The following HELLS variants were observed in gnomAD, a reference collection of about 807,000 sequenced individuals.
HELLS encodes the protein lymphoid-specific helicase.
In HELLS, 32 loss-of-function variants were observed where a neutral mutation model predicts 120.0. The ratio of observed to expected loss-of-function variants is 0.27; its 90% CI spans 0.20 to 0.36. The LOEUF is 0.36. Ranked by LOEUF, HELLS falls within the 10% of genes least tolerant of loss-of-function variation. HELLS has a pLI of 1.00. For missense variants in HELLS, 650 were observed against 993.4 expected, an observed-to-expected ratio of 0.65 and a Z score of 4.65; for synonymous variants, 341 against 323.4, an observed-to-expected ratio of 1.05 and a Z score of -0.58.
intron 19 of HELLS, among the ~76,000 whole-genome samples, chr10:94,595,486 G>A (rs1160961892): frequency 6.6e-6 from 1 of 152,128 alleles, no homozygotes; most frequent in African/African-American, 2.4e-5. Context: ...GTATTTAAGT[G>A]TTATAAAAAA....
intron 12 of HELLS, among the ~76,000 whole-genome samples, chr10:94,587,019 A>C (rs1364479195): frequency 2.6e-5 from 4 of 152,084 alleles, no homozygotes; most frequent in African/African-American, 9.7e-5. Flanking sequence ...ATTTTAATCT[A>C]GTATTTGTGC....
chr10:94,565,855 C>G (rs1238463699), intron 6 of HELLS, among the ~76,000 whole-genome samples: 1 of 151,986 alleles, frequency 6.6e-6, no homozygotes, highest in African/African-American at 2.4e-5. Flanking sequence ...TCACCTTAGC[C>G]TGCATACAGA....
chr10:94,583,156 G>A (rs980773947), intron 12 of HELLS, 97 bp downstream of exon 12: 10 of 535,212 alleles, frequency 1.9e-5, no homozygotes, highest in Non-Finnish European at 2.9e-5. Flanking sequence ...GTAGAGATTT[G>A]AAAAATGAAG....
At chr10:94,546,584 C>A (rs1842764061) in intron 2 of HELLS, 86 bp downstream of exon 2, 1 of 1,461,572 alleles carries the variant, frequency 6.8e-7, no homozygotes, top group Non-Finnish European at 9.5e-7. Flanking sequence ...TCTTTGCTTT[C>A]CTATTTAGTG....
intron 13 of HELLS, 67 bp downstream of exon 13, chr10:94,588,457 T>C: frequency 8.1e-7 from 1 of 1,232,096 alleles, no homozygotes; most frequent in Non-Finnish European, 1.1e-6. Context: ...TTTCCCTTTT[T>C]TTTTGAGAGA....
intron 21 of HELLS, among the ~76,000 whole-genome samples, chr10:94,599,118 A>G (rs2134132513): frequency 6.6e-6 from 1 of 152,262 alleles, no homozygotes; most frequent in Admixed American, 6.5e-5. Flanking sequence ...TGTTTTAGAT[A>G]TTCTGGATTA....
intron 13 of HELLS, among the ~76,000 whole-genome samples, chr10:94,589,327 T>C (rs1224749080): frequency 2.0e-5 from 3 of 152,176 alleles, no homozygotes; most frequent in African/African-American, 7.2e-5. Context: ...GCATCCAAAA[T>C]CTGAGTTGCT....
chr10:94,566,438 T>A (rs939671561), intron 6 of HELLS, among the ~76,000 whole-genome samples: 1 of 152,106 alleles, frequency 6.6e-6, no homozygotes, highest in Non-Finnish European at 1.5e-5. Context: ...AAACTTGAAG[T>A]AAATTATATT....
chr10:94,599,238 A>AC (rs1564620459), intron 21 of HELLS, among the ~76,000 whole-genome samples: 63 of 152,380 alleles, frequency 4.1e-4, no homozygotes, highest in African/African-American at 1.5e-3. Context: ...TATGTGAGGC[A>AC]TGTAAGGACT....
At chr10:94,577,858 G>C (rs917503170) in intron 10 of HELLS, among the ~76,000 whole-genome samples, 1 of 151,910 alleles carries the variant, frequency 6.6e-6, no homozygotes, top group Non-Finnish European at 1.5e-5. Context: ...TCAGGATATC[G>C]AGACCATCCT....
At chr10:94,596,804 GTTGTA>G (rs1845761463) in intron 19 of HELLS, 51 bp from the exon 20 acceptor site, 1 of 892,184 alleles carries the variant, frequency 1.1e-6, no homozygotes, top group African/African-American at 1.7e-5. Context: ...TTTGTAATAT[GTTGTA>G]TTGTAGTTTT....
chr10:94,553,519 G>A (rs537948882), intron 2 of HELLS, among the ~76,000 whole-genome samples: 1 of 151,284 alleles, frequency 6.6e-6, no homozygotes, highest in African/African-American at 2.4e-5. Flanking sequence ...AAAGTGCTGG[G>A]ATTACAGGCG....
At chr10:94,587,130 AAG>A (rs1483488976) in intron 12 of HELLS, among the ~76,000 whole-genome samples, 1 of 152,148 alleles carries the variant, frequency 6.6e-6, no homozygotes, top group African/African-American at 2.4e-5. Context: ...CAGCTAATGA[AAG>A]AGAATAATTT....
At chr10:94,600,625 GA>G (rs1845989597) in intron 21 of HELLS, among the ~76,000 whole-genome samples, 1 of 152,074 alleles carries the variant, frequency 6.6e-6, no homozygotes, top group African/African-American at 2.4e-5. Flanking sequence ...ATTAATAGGG[GA>G]AAAATTAACT....
intron 4 of HELLS, among the ~76,000 whole-genome samples, chr10:94,558,602 A>AT (rs967097606): frequency 1.3e-3 from 200 of 150,286 alleles, no homozygotes; most frequent in Non-Finnish European, 1.8e-3. Flanking sequence ...CTCTTACTCT[A>AT]TTTTTTTTTT....
At chr10:94,560,927 G>T (rs1843525707) in intron 4 of HELLS, among the ~76,000 whole-genome samples, 1 of 151,708 alleles carries the variant, frequency 6.6e-6, no homozygotes, top group Non-Finnish European at 1.5e-5. Flanking sequence ...ATGATGGCGG[G>T]TACCTGTAAT....
At chr10:94,563,809 T>TTA (rs1554829471) in intron 6 of HELLS, among the ~76,000 whole-genome samples, 1 of 50,678 alleles carries the variant, frequency 2.0e-5, no homozygotes, top group Non-Finnish European at 5.1e-5. Flanking sequence ...TTTTCTTTTC[T>TTA]TTTTTTTTTT....
At chr10:94,609,011 CTTTTTTTTTTTTTTTTTT>C (rs71031590) in intron 9 of HELLS, among the ~76,000 whole-genome samples, 3 of 68,200 alleles carry the variant, frequency 4.4e-5, no homozygotes, top group East Asian at 1.1e-3. Flanking sequence ...GTATCCACCT[CTTTTTTTTTTTTTTTTTT>C]TTTTTTTTTT....
At chr10:94,577,932 G>A (rs940540389) in intron 10 of HELLS, among the ~76,000 whole-genome samples, 6 of 152,066 alleles carry the variant, frequency 3.9e-5, no homozygotes, top group South Asian at 2.1e-4. Flanking sequence ...GCGCGGTGGC[G>A]GGCGCCTGTA....
Sources: gnomAD v4.1 joint callset for allele counts (sites outside exome capture counted in the v4.1 genomes callset) on GRCh38, gnomAD v4.1.1 for gene constraint, MANE v1.5 for transcripts, NCBI Gene and HGNC (gene_info 2026-07-23, HGNC 2026-07-21) for gene names.